SI: variants seen among roughly 807,000 people sequenced by gnomAD.
The protein encoded by SI is sucrase-isomaltase, also known as sucrase-isomaltase, intestinal.
A neutral mutation model predicts 253.3 loss-of-function variants in SI; 235 were observed. That is an observed-to-expected ratio of 0.93 (90% confidence interval 0.83 to 1.03). The LOEUF (loss-of-function observed/expected upper bound fraction) is 1.03, where lower values mean the gene tolerates loss of function less well. Ranked by LOEUF, SI falls within the 50% of genes least tolerant of loss-of-function variation. The pLI is 0.00. For missense variants in SI, 2,442 were observed against 2,211.1 expected, an observed-to-expected ratio of 1.10 and a Z score of -2.09; for synonymous variants, 819 against 712.0, an observed-to-expected ratio of 1.15 and a Z score of -2.39.
chr3:165,086,457 CTTT>C, the SI span, among the ~76,000 whole-genome samples: 1 of 152,134 alleles, frequency 6.6e-6, no homozygotes, highest in African/African-American at 2.4e-5. Context: ...ATGTCAGCAT[CTTT>C]CACAAATACA....
chr3:165,012,815 T>C (rs919844549), intron 34 of SI, among the ~76,000 whole-genome samples, 165 bp downstream of exon 34: 2 of 152,176 alleles, frequency 1.3e-5, no homozygotes, highest in African/African-American at 4.8e-5. Context: ...TACTTTGTTA[T>C]TTAGGAAAAT....
Position 165,043,138 on chromosome 3 carries a change from G to A in SI, c.1925C>T (p.Thr642Ile), listed in dbSNP as rs762699875. The part of the protein sequence containing the change: ...ADICGFVAET[T>I]EELCRRWMQL... ...CATCCATCTTCTGCAAAGTTCTTCT[G>A]TGGTTTCAGCCACAAATCCACAGAT... is the stretch of plus-strand genomic sequence containing the variant. The change falls in exon 17 of 48, where the codon ACA becomes ATA. Residue 642 changes from threonine to isoleucine, a missense_variant. Coordinates refer to ENST00000264382, the MANE Select transcript of SI (RefSeq NM_001041.4). 1 of 1,612,416 alleles carries A rather than the reference G, an allele frequency of 6.2e-7. No individual in the cohort carries two copies. The highest frequency in any genetic ancestry group is 1.1e-5 in the South Asian group (1 of 91,038).
rs917878171 is a variant in SI, at chr3:165,011,739, T to C, written c.4062+1241A>G. Among the ~76,000 whole-genome samples the C allele has an allele frequency of 1.0e-4, 12 of 115,066 alleles. No homozygotes were observed. The East Asian group carries it at 2.0e-3, about 19-fold the overall frequency. 75.5% of individuals were successfully genotyped at this position (115,066 alleles called of 152,430 possible). A position where few individuals can be genotyped will look rare whatever the true frequency, so the allele number is the denominator to read the frequency against. ...TCTATTTATGTATTATCATTTATTA[T>C]TTATTTATTCATTATTGTTATTATT... On this transcript the variant is annotated intron_variant, in intron 34 of 47. Coordinates refer to ENST00000264382, the MANE Select transcript of SI (RefSeq NM_001041.4).
At chr3:165,051,667 T>C (rs1713438324) in intron 13 of SI, among the ~76,000 whole-genome samples, 1 of 152,056 alleles carries the variant, frequency 6.6e-6, no homozygotes, top group Admixed American at 6.6e-5. Context: ...TAAACAATTT[T>C]AACATCCGAA....
chr3:165,017,497 C>T, intron 31 of SI, 51 bp downstream of exon 31: 1 of 1,556,640 alleles, frequency 6.4e-7, no homozygotes, highest in South Asian at 1.1e-5. Flanking sequence ...TTATTTCATT[C>T]TACTTTTACG....
At chr3:165,000,342 G>A (rs1230430815) in intron 37 of SI, among the ~76,000 whole-genome samples, 1 of 146,672 alleles carries the variant, frequency 6.8e-6, no homozygotes, top group Non-Finnish European at 1.5e-5. Flanking sequence ...TTCACACAAT[G>A]GGCACAAAGT....
chr3:165,068,629 T>A (rs758991194), intron 5 of SI, 93 bp downstream of exon 5: 14 of 888,958 alleles, frequency 1.6e-5, no homozygotes, highest in Non-Finnish European at 2.7e-5. Flanking sequence ...CACGTCAGCT[T>A]CCCAAAGTGC....
At chr3:165,062,656 G>A (rs1041793880) in intron 8 of SI, among the ~76,000 whole-genome samples, 173 bp from the exon 9 acceptor site, 2 of 151,804 alleles carry the variant, frequency 1.3e-5, no homozygotes, top group African/African-American at 4.8e-5. Flanking sequence ...AAAGTAAAAC[G>A]CCAACATGTC....
intron 12 of SI, among the ~76,000 whole-genome samples, chr3:165,058,680 G>T (rs1404475459): frequency 6.6e-6 from 1 of 151,720 alleles, no homozygotes; most frequent in East Asian, 1.9e-4. Flanking sequence ...TAGAAGAAAT[G>T]CATAAATTCT....
chr3:165,043,642 C>T lies in SI; in HGVS notation c.1888-467G>A, dbSNP rs577694706. On this transcript the variant is annotated intron_variant, in intron 16 of 47. Transcript: ENST00000264382. The stretch of plus-strand genomic sequence containing the variant: ...ATTCTGAATAAAATTGAGCTTTGCC[C>T]GATGTGTACCCATGTAAGACTGCAT... Among the ~76,000 whole-genome samples the T allele has an allele frequency of 5.3e-5, 8 of 151,864 alleles. No individual in the cohort carries two copies. In the South Asian group the frequency reaches 6.2e-4, roughly 12 times the overall value.
rs749042830 is a variant in SI at position 164,994,327 on chromosome 3, G to A, written c.4771C>T (p.Pro1591Ser). ...NILNIRYTLLPYFYTQMHEIH... is the reference protein window; with the variant it reads ...NILNIRYTLLSYFYTQMHEIH... ...TCATGCATTTGTGTGTAAAAATAGGGCAATAAGGTGTATCTAATATTTAGA... is the reference window on the plus strand; with the variant it reads ...TCATGCATTTGTGTGTAAAAATAGGACAATAAGGTGTATCTAATATTTAGA... The change falls in exon 41 of 48, where the codon CCC becomes TCC. Residue 1591 changes from proline to serine, a missense_variant. Physicochemically the swap from Pro to Ser is moderately conservative, Grantham distance 74. Coordinates refer to ENST00000264382, the MANE Select transcript of SI (RefSeq NM_001041.4). The A allele has an allele frequency of 1.2e-6, 2 of 1,610,680 alleles. No homozygotes were observed.
intron 3 of SI, among the ~76,000 whole-genome samples, chr3:165,070,190 A>AT (rs67494062): frequency 0.6 from 86,803 of 145,002 alleles, 26,178 homozygotes; most frequent in East Asian, 0.81. Flanking sequence ...TTATTTATAT[A>AT]TAAAGTATAT....
At chr3:165,056,364 G>A (rs1713693595) in intron 12 of SI, among the ~76,000 whole-genome samples, 1 of 144,722 alleles carries the variant, frequency 6.9e-6, no homozygotes, top group Non-Finnish European at 1.6e-5. Context: ...CTGAAAAGAA[G>A]CCTCCAGTGA....
At chr3:165,019,020 T>A (rs1719176890) in intron 28 of SI, among the ~76,000 whole-genome samples, 1 of 151,900 alleles carries the variant, frequency 6.6e-6, no homozygotes, top group Admixed American at 6.6e-5. Context: ...ATATATTTTT[T>A]ATGATATGTT....
At chr3:165,029,568 G>A (rs1031741104) in intron 25 of SI, among the ~76,000 whole-genome samples, 2 of 91,966 alleles carry the variant, frequency 2.2e-5, no homozygotes, top group African/African-American at 5.6e-5. Flanking sequence ...AAAAACTGTG[G>A]TGTATATATA....
At position 165,068,747 on chromosome 3, in the gene SI, T is replaced by C; in HGVS notation, c.458A>G (p.Gln153Arg). 1 of 1,613,586 alleles carries C rather than the reference T, an allele frequency of 6.2e-7. No individual in the cohort carries two copies. Among genetic ancestry groups the C allele is most frequent in the Non-Finnish European group, 8.5e-7 (1 of 1,179,498 alleles). ...CTTGAACCGGAAACGATTGGGTGTC[T>C]GATTTTGAGTTGTGAAGAGAACACT... ...INSVLFTTQN[Q>R]TPNRFRFKIT... The change falls in exon 5 of 48, where the codon CAG (glutamine) becomes CGG (arginine). Residue 153 changes from glutamine to arginine, a missense_variant. Transcript: ENST00000264382.
chr3:165,003,331 CT>C (rs1345987072), intron 37 of SI, among the ~76,000 whole-genome samples: 7 of 151,528 alleles, frequency 4.6e-5, no homozygotes, highest in Non-Finnish European at 8.9e-5. Flanking sequence ...TATTTTTGTT[CT>C]TTTTAATGTC....
intron 16 of SI, among the ~76,000 whole-genome samples, chr3:165,045,600 T>C (rs1006033134): frequency 3.3e-5 from 5 of 151,952 alleles, no homozygotes; most frequent in Non-Finnish European, 7.4e-5. Flanking sequence ...TTTAATTACT[T>C]ACATCTTTCT....
intron 37 of SI, among the ~76,000 whole-genome samples, chr3:165,006,273 TA>T (rs1045820766): frequency 2.6e-5 from 4 of 152,054 alleles, no homozygotes; most frequent in African/African-American, 9.7e-5. Context: ...CACTCCTGGC[TA>T]ATTTTTTGTA....
Sources: gnomAD v4.1 joint callset for allele counts (sites outside exome capture counted in the v4.1 genomes callset) on GRCh38, gnomAD v4.1.1 for gene constraint, MANE v1.5 for transcripts, NCBI Gene and HGNC (gene_info 2026-07-23, HGNC 2026-07-21) for gene names.